The following C3orf33 variants were observed in gnomAD, a reference collection of about 807,000 sequenced individuals.
C3orf33 encodes AP-1 activity suppressor.
C3orf33 carries 23 observed loss-of-function variants against 28.7 expected under a neutral mutation model. The ratio of observed to expected loss-of-function variants is 0.80; its 90% CI spans 0.58 to 1.13. The LOEUF (loss-of-function observed/expected upper bound fraction) is 1.13. C3orf33 is among the 50% of genes most tolerant of loss of function. The probability of loss-of-function intolerance (pLI) is 0.00; values close to 1 mark genes in which losing one functional copy is unlikely to be tolerated. For synonymous variants in C3orf33, 119 were observed against 120.5 expected (o/e 0.99, Z 0.08); for missense variants, 327 against 353.4 (o/e 0.93, Z 0.60).
chr3:155,780,910 GAA>G (rs989690117), intron 2 of C3orf33, among the ~76,000 whole-genome samples: 15 of 151,800 alleles, frequency 9.9e-5, no homozygotes, highest in African/African-American at 3.6e-4. Context: ...TATGCAATAA[GAA>G]AAGTCCAAAA....
In C3orf33 at chr3:155,797,174, G is replaced by T. The variant is rs140184946; in HGVS notation, c.174+5358C>A. Among the ~76,000 whole-genome samples the T allele has an allele frequency of 3.8e-3, 579 of 152,228 alleles. 1 individual carries two copies. Among genetic ancestry groups the T allele is most frequent in the South Asian group, 7.9e-3 (38 of 4,814 alleles). ...CACTCTAGCCTGGGTGACAGAGAGA[G>T]ACTCCATCTCAAAGAAAAGACAAAA... On this transcript the variant is annotated intron_variant, in intron 2 of 4. Transcript: ENST00000340171.
chr3:155,769,746 C>T (rs1750525409), intron 3 of C3orf33, among the ~76,000 whole-genome samples: 1 of 152,118 alleles, frequency 6.6e-6, no homozygotes, highest in South Asian at 2.1e-4. Flanking sequence ...CAGTCAAATT[C>T]CCAGGAAAAT....
chr3:155,780,025 A>G (rs768097611), intron 2 of C3orf33, among the ~76,000 whole-genome samples: 3 of 152,254 alleles, frequency 2.0e-5, no homozygotes, highest in Non-Finnish European at 2.9e-5. Flanking sequence ...TGGAAGACGA[A>G]CAAAAAATAT....
At chr3:155,788,152 C>T (rs1317729102) in intron 2 of C3orf33, among the ~76,000 whole-genome samples, 1 of 150,580 alleles carries the variant, frequency 6.6e-6, no homozygotes, top group African/African-American at 2.4e-5. Flanking sequence ...GATTGTGCCA[C>T]TGCACTCCAG....
intron 2 of C3orf33, among the ~76,000 whole-genome samples, chr3:155,802,176 C>T (rs1279826410): frequency 6.6e-6 from 1 of 152,144 alleles, no homozygotes; most frequent in African/African-American, 2.4e-5. Context: ...GGACATAATT[C>T]AACTGTGGTC....
At chr3:155,777,971 G>A (rs1577419401) in intron 2 of C3orf33, among the ~76,000 whole-genome samples, 1 of 151,952 alleles carries the variant, frequency 6.6e-6, no homozygotes, top group Non-Finnish European at 1.5e-5. Context: ...CCAACATGGT[G>A]AAACTCCATT....
chr3:155,800,820 T>G (rs997594461), intron 2 of C3orf33, among the ~76,000 whole-genome samples: 1 of 151,796 alleles, frequency 6.6e-6, no homozygotes, highest in Admixed American at 6.6e-5. Flanking sequence ...AATAACCACA[T>G]GAAAAGATGC....
At chr3:155,767,206 C>T (rs988270293) in intron 4 of C3orf33, among the ~76,000 whole-genome samples, 1 of 152,000 alleles carries the variant, frequency 6.6e-6, no homozygotes, top group Non-Finnish European at 1.5e-5. Flanking sequence ...TGGCCGAGAT[C>T]GTGCCACTGC....
At chr3:155,793,580 A>G (rs1282578673) in intron 2 of C3orf33, among the ~76,000 whole-genome samples, 1 of 151,820 alleles carries the variant, frequency 6.6e-6, no homozygotes, top group African/African-American at 2.4e-5. Flanking sequence ...GAGGCCGAGG[A>G]GGGCAGATAA....
intron 2 of C3orf33, among the ~76,000 whole-genome samples, chr3:155,789,653 A>C (rs1751250871): frequency 6.6e-6 from 1 of 152,180 alleles, no homozygotes. Flanking sequence ...GGGATCTCAA[A>C]TACCCAAAAT....
At chr3:155,783,836 T>G (rs1751017211) in intron 2 of C3orf33, among the ~76,000 whole-genome samples, 1 of 152,234 alleles carries the variant, frequency 6.6e-6, no homozygotes, top group African/African-American at 2.4e-5. Flanking sequence ...GGTTTTTAAG[T>G]CCATATTTTG....
intron 2 of C3orf33, among the ~76,000 whole-genome samples, chr3:155,802,039 A>ACCGCC (rs1176585916): frequency 2.6e-5 from 4 of 152,204 alleles, no homozygotes; most frequent in Admixed American, 2.0e-4. Flanking sequence ...GGCATAAGCC[A>ACCGCC]CCGCCCCGCC....
chr3:155,805,656 G>A, intron 1 of C3orf33: 1 of 454,946 alleles, frequency 2.2e-6, no homozygotes, highest in Non-Finnish European at 4.4e-6. Context: ...GAAGTGGGTG[G>A]AGCAGCAGCA....
intron 3 of C3orf33, among the ~76,000 whole-genome samples, chr3:155,771,706 T>C (rs73021517): frequency 0.026 from 3,887 of 152,348 alleles, 185 homozygotes; most frequent in African/African-American, 0.088. Flanking sequence ...CTTTGATTTC[T>C]AATCTATGAA....
chr3:155,802,336 C>T (rs1007075590), intron 2 of C3orf33, among the ~76,000 whole-genome samples, 196 bp downstream of exon 2: 1 of 152,150 alleles, frequency 6.6e-6, no homozygotes, highest in Non-Finnish European at 1.5e-5. Flanking sequence ...ATAAACCACG[C>T]AATTACTTTC....
intron 3 of C3orf33, among the ~76,000 whole-genome samples, chr3:155,768,853 A>G (rs1750490555): frequency 6.6e-5 from 10 of 152,348 alleles, no homozygotes; most frequent in Admixed American, 5.2e-4. Context: ...ACTGCACTCC[A>G]GCCTAGGCTA....
At chr3:155,793,550 C>A (rs888004071) in intron 2 of C3orf33, among the ~76,000 whole-genome samples, 3 of 151,858 alleles carry the variant, frequency 2.0e-5, no homozygotes, top group Admixed American at 6.6e-5. Context: ...TGACTCACAC[C>A]TGTAATCTCA....
intron 2 of C3orf33, among the ~76,000 whole-genome samples, chr3:155,783,403 C>T (rs574846173): frequency 5.0e-4 from 76 of 152,076 alleles, no homozygotes; most frequent in African/African-American, 1.8e-3. Context: ...GATCCACCCA[C>T]CTCATCCACC....
chr3:155,780,235 A>T (rs1057001662), intron 2 of C3orf33, among the ~76,000 whole-genome samples: 4 of 152,214 alleles, frequency 2.6e-5, no homozygotes, highest in African/African-American at 4.8e-5. Context: ...TGCTACAAGG[A>T]TGCTGTGTCT....
Sources: gnomAD v4.1 joint callset for allele counts (sites outside exome capture counted in the v4.1 genomes callset) on GRCh38, gnomAD v4.1.1 for gene constraint, MANE v1.5 for transcripts, NCBI Gene and HGNC (gene_info 2026-07-23, HGNC 2026-07-21) for gene names.